PMAIP1: variants seen among roughly 807,000 people sequenced by gnomAD.
The protein encoded by PMAIP1 is PMA-induced protein 1.
Under a neutral mutation model 3.7 loss-of-function variants are expected in PMAIP1, and 3 were observed. The ratio of observed to expected loss-of-function variants is 0.82; its 90% CI spans 0.37 to 2.12. The LOEUF (loss-of-function observed/expected upper bound fraction) is 2.12. PMAIP1 is among the 30% of genes most tolerant of loss of function. The pLI, the probability that PMAIP1 is intolerant of heterozygous loss-of-function variation, is 0.06. For missense variants in PMAIP1, 77 were observed against 67.1 expected, an observed-to-expected ratio of 1.15 and a Z score of -0.52; for synonymous variants, 29 against 26.2, an observed-to-expected ratio of 1.11 and a Z score of -0.32.
In PMAIP1 at chr18:59,903,639, A is replaced by G. The variant is rs1341859375; in HGVS notation, c.*886A>G. The G allele has an allele frequency of 6.6e-6, 1 of 152,224 alleles. No homozygotes were observed. The highest frequency in any genetic ancestry group is 1.5e-5 in the Non-Finnish European group (1 of 68,022). 9.4% of individuals were successfully genotyped at this position (152,224 alleles called of 1,614,324 possible). A position where few individuals can be genotyped will look rare whatever the true frequency, so the allele number is the denominator to read the frequency against. On this transcript the variant is annotated 3_prime_UTR_variant, in exon 2 of 2. Coordinates refer to ENST00000316660, the MANE Select transcript of PMAIP1 (RefSeq NM_021127.3). ...TGAATGTTTCTAAAGAAGTTTCTAA[A>G]GGTTCGGAAAATGCTCCTTGTCACA... is the stretch of plus-strand genomic sequence containing the variant.
At position 59,902,891 on chromosome 18, in the gene PMAIP1, A is replaced by G. The variant is rs1206958166; in HGVS notation, c.*138A>G. The stretch of plus-strand genomic sequence containing the variant: ...ATTCATGGGTGCCCTTGGAAACGGA[A>G]GATGGAATACATCAAAGTGAATTTC... On this transcript the variant is annotated 3_prime_UTR_variant, in exon 2 of 2. Coordinates refer to ENST00000316660, the MANE Select transcript of PMAIP1 (RefSeq NM_021127.3). The G allele has an allele frequency of 7.4e-7, 1 of 1,353,406 alleles. No individual in the cohort carries two copies. The highest frequency in any genetic ancestry group is 1.4e-5 in the African/African-American group (1 of 69,282). The allele number at this position is 1,353,406 out of a possible 1,614,324, so 83.8% of individuals were successfully genotyped here.
intron 1 of PMAIP1, chr18:59,900,437 G>A: frequency 6.6e-7 from 1 of 1,512,000 alleles, no homozygotes; most frequent in South Asian, 1.3e-5. Context: ...GGACCGGCGG[G>A]TACGGCGGGT....
chr18:59,901,442 T>C (rs898356944), intron 1 of PMAIP1, among the ~76,000 whole-genome samples: 2 of 152,240 alleles, frequency 1.3e-5, no homozygotes, highest in Non-Finnish European at 2.9e-5. Flanking sequence ...AACATGTCTA[T>C]GTAAATACTT....
intron 1 of PMAIP1, among the ~76,000 whole-genome samples, chr18:59,902,202 A>C (rs942267561): frequency 3.3e-5 from 5 of 152,206 alleles, no homozygotes; most frequent in African/African-American, 1.2e-4. Context: ...ACAGAACTTG[A>C]CTTCTGTTTC....
Position 59,902,833 on chromosome 18 carries a change from A to C in PMAIP1, c.*80A>C, listed in dbSNP as rs1346462258. 1 of 1,603,580 alleles carries C rather than the reference A, an allele frequency of 6.2e-7. No homozygotes were observed. The highest frequency in any genetic ancestry group is 8.5e-7 in the Non-Finnish European group (1 of 1,173,950). The stretch of plus-strand genomic sequence containing the variant: ...GCACGTTTCATCAATTTGAAGAAAG[A>C]CTGCATTGTAATTGAGAGGAATGTG... On this transcript the variant is annotated 3_prime_UTR_variant, in exon 2 of 2. Transcript: ENST00000316660.
At position 59,902,866 on chromosome 18, in the gene PMAIP1, A is replaced by C; in HGVS notation, c.*113A>C. The C allele has an allele frequency of 1.9e-6, 3 of 1,549,880 alleles. No homozygotes were observed. The highest frequency in any genetic ancestry group is 2.6e-6 in the Non-Finnish European group (3 of 1,136,412). ...GTAATTGAGAGGAATGTGAAGGTGC[A>C]TTCATGGGTGCCCTTGGAAACGGAA... On this transcript the variant is annotated 3_prime_UTR_variant, in exon 2 of 2. Coordinates refer to ENST00000316660, the MANE Select transcript of PMAIP1 (RefSeq NM_021127.3).
At chr18:59,900,453 G>T (rs1427265499) in intron 1 of PMAIP1, 15 of 1,548,074 alleles carry the variant, frequency 9.7e-6, no homozygotes, top group African/African-American at 2.7e-5. Flanking sequence ...CGGGTACGGC[G>T]AGGGACCAAG....
In PMAIP1 at chr18:59,900,212, C is replaced by A. The variant is rs769494393; in HGVS notation, c.35C>A (p.Pro12Gln). 1 of 1,554,464 alleles carries A rather than the reference C, an allele frequency of 6.4e-7. No individual in the cohort carries two copies. The highest frequency in any genetic ancestry group is 2.4e-5 in the East Asian group (1 of 42,450). ...PGKKARKNAQ[P>Q]SPARAPAELE... The stretch of plus-strand genomic sequence containing the variant: ...AAGAAGGCGCGCAAGAACGCTCAAC[C>A]GAGCCCCGCGCGGGCTCCAGCAGGT... Residue 12 changes from proline to glutamine, a missense_variant, in exon 1 of 2, where the codon CCG becomes CAG. Transcript: ENST00000316660.
intron 1 of PMAIP1, chr18:59,900,479 G>C (rs999546510): frequency 1.1e-5 from 17 of 1,550,214 alleles, no homozygotes; most frequent in Admixed American, 2.0e-5. Flanking sequence ...TTTGCGATTG[G>C]GATGCAGCTG....
In PMAIP1 at chr18:59,900,053, A is replaced by T; in HGVS notation, c.-125A>T. On this transcript the variant is annotated 5_prime_UTR_variant, in exon 1 of 2. Coordinates refer to ENST00000316660, the MANE Select transcript of PMAIP1 (RefSeq NM_021127.3). The stretch of plus-strand genomic sequence containing the variant: ...GCATCTCCGCGCGTCCGGACACCCG[A>T]TCCCAGCATCCCTGCCTGCAGGACT... The T allele has an allele frequency of 9.7e-7, 1 of 1,028,788 alleles. No homozygotes were observed. The highest frequency in any genetic ancestry group is 1.7e-5 in the African/African-American group (1 of 59,778). The allele number at this position is 1,028,788 out of a possible 1,614,324, so 63.7% of individuals were successfully genotyped here.
At chr18:59,901,577 G>A (rs541271948) in intron 1 of PMAIP1, among the ~76,000 whole-genome samples, 51 of 152,198 alleles carry the variant, frequency 3.4e-4, no homozygotes, top group African/African-American at 1.1e-3. Context: ...TGAAATATAG[G>A]TTTAAGATTT....
intron 1 of PMAIP1, among the ~76,000 whole-genome samples, chr18:59,902,099 A>G (rs928822990): frequency 6.6e-6 from 1 of 152,260 alleles, no homozygotes; most frequent in African/African-American, 2.4e-5. Flanking sequence ...TTTAACGAGA[A>G]AAAGAATACC....
At chr18:59,902,521 A>G in intron 1 of PMAIP1, 126 bp from the exon 2 acceptor site, 1 of 765,026 alleles carries the variant, frequency 1.3e-6, no homozygotes, top group Non-Finnish European at 2.2e-6. Context: ...GTGCACATAA[A>G]GCCAAAGTTA....
intron 1 of PMAIP1, among the ~76,000 whole-genome samples, chr18:59,902,281 A>G (rs2055777023): frequency 6.6e-6 from 1 of 152,332 alleles, no homozygotes; most frequent in Middle Eastern, 3.4e-3. Context: ...TACTCTTTGT[A>G]GCATTGCTTT....
intron 1 of PMAIP1, chr18:59,900,645 C>G: frequency 6.6e-7 from 1 of 1,510,240 alleles, no homozygotes; most frequent in Admixed American, 2.1e-5. Flanking sequence ...CCCCGGGGAC[C>G]GCCTGGACTC....
chr18:59,900,739 T>C, intron 1 of PMAIP1: 1 of 720,776 alleles, frequency 1.4e-6, no homozygotes, highest in East Asian at 2.7e-5. Flanking sequence ...ATCGATATTG[T>C]GGGAGGTGGG....
rs931293805 is a variant in PMAIP1, at chr18:59,903,890, A to G, written c.*1137A>G. 6 of 152,148 alleles carry G rather than the reference A, an allele frequency of 3.9e-5. No individual in the cohort carries two copies. The highest frequency in any genetic ancestry group is 1.4e-4 in the African/African-American group (6 of 41,436). The allele number at this position is 152,148 out of a possible 1,614,324, so 9.4% of individuals were successfully genotyped here. ...TATATAGCTTCTTAGTAGGGTCTCA[A>G]GTAAGTTTCATTTTTTTTATCTGGG... On this transcript the variant is annotated 3_prime_UTR_variant, in exon 2 of 2. Transcript: ENST00000316660.
Position 59,903,015 on chromosome 18 carries a change from A to G in PMAIP1, c.*262A>G, listed in dbSNP as rs1357449536. 4 of 615,492 alleles carry G rather than the reference A, an allele frequency of 6.5e-6. No individual in the cohort carries two copies. Among genetic ancestry groups the G allele is most frequent in the Non-Finnish European group, 8.6e-6 (3 of 348,634 alleles). The allele number at this position is 615,492 out of a possible 1,614,324, so 38.1% of individuals were successfully genotyped here. On this transcript the variant is annotated 3_prime_UTR_variant, in exon 2 of 2. Transcript: ENST00000316660. ...AAGAATGGAAGACCCTTGAAAATAA[A>G]GAAGTAATTATTGACACATTTCTTT...
At chr18:59,901,707 C>T (rs2055771477) in intron 1 of PMAIP1, among the ~76,000 whole-genome samples, 1 of 152,112 alleles carries the variant, frequency 6.6e-6, no homozygotes, top group Non-Finnish European at 1.5e-5. Flanking sequence ...TGTTTGTAAT[C>T]ATGAAGTGTA....
Sources: allele counts gnomAD v4.1 joint callset (sites outside exome capture counted in the v4.1 genomes callset), GRCh38; gene constraint gnomAD v4.1.1; transcripts MANE v1.5; gene names NCBI Gene and HGNC (gene_info 2026-07-23, HGNC 2026-07-21).